The following PLSCR2 variants were observed in gnomAD, a reference collection of about 807,000 sequenced individuals.
PLSCR2 encodes PL scramblase 2.
Under a neutral mutation model 25.3 loss-of-function variants are expected in PLSCR2, and 18 were observed. The ratio of observed to expected loss-of-function variants is 0.71; its 90% CI spans 0.49 to 1.06. The LOEUF is 1.06. Among genes scored for constraint, PLSCR2 ranks in the 50% least tolerant of loss-of-function variants. The pLI, the probability that PLSCR2 is intolerant of heterozygous loss-of-function variation, is 0.00. For synonymous variants in PLSCR2, 88 were observed against 87.3 expected, an observed-to-expected ratio of 1.01 and a Z score of -0.04; for missense variants, 243 against 269.5, an observed-to-expected ratio of 0.90 and a Z score of 0.69.
intron 1 of PLSCR2, among the ~76,000 whole-genome samples, chr3:146,479,682 CAGAA>C (rs2043060781): frequency 6.6e-6 from 1 of 152,130 alleles, no homozygotes; most frequent in Non-Finnish European, 1.5e-5. Flanking sequence ...ATCAATGAGA[CAGAA>C]TGTTAGCAAG....
chr3:146,489,709 G>A (rs933996434), intron 1 of PLSCR2, among the ~76,000 whole-genome samples: 3 of 152,066 alleles, frequency 2.0e-5, no homozygotes, highest in East Asian at 1.9e-4. Context: ...TTGCCTTTTC[G>A]ATCTTCTAAT....
chr3:146,480,363 G>T (rs1197999182), intron 1 of PLSCR2, among the ~76,000 whole-genome samples: 2 of 152,040 alleles, frequency 1.3e-5, no homozygotes, highest in African/African-American at 4.8e-5. Flanking sequence ...GAAGAAAAGA[G>T]AGAAGAATCA....
chr3:146,408,630 G>A (rs2038736032), intron 2 of PLSCR2, among the ~76,000 whole-genome samples: 1 of 152,094 alleles, frequency 6.6e-6, no homozygotes, highest in South Asian at 2.1e-4. Context: ...TTTAATATCT[G>A]GGGCTTCCTG....
chr3:146,417,431 A>G (rs1041357875), intron 2 of PLSCR2, among the ~76,000 whole-genome samples: 5 of 152,172 alleles, frequency 3.3e-5, no homozygotes, highest in Admixed American at 2.0e-4. Flanking sequence ...GTTTACTGCC[A>G]AAAACAAGAG....
chr3:146,483,493 A>ATTAAGTT (rs1560055103), intron 1 of PLSCR2, among the ~76,000 whole-genome samples: 9 of 118,816 alleles, frequency 7.6e-5, no homozygotes, highest in African/African-American at 2.9e-4. Flanking sequence ...ATATATATAT[A>ATTAAGTT]TATATATATA....
At chr3:146,419,636 G>A (rs1386315245) in intron 2 of PLSCR2, among the ~76,000 whole-genome samples, 4 of 151,954 alleles carry the variant, frequency 2.6e-5, no homozygotes, top group South Asian at 4.1e-4. Flanking sequence ...GGGGCTCTAA[G>A]GAAACAAAAA....
chr3:146,443,577 T>G (rs2040375608), intron 6 of PLSCR2, among the ~76,000 whole-genome samples: 1 of 152,042 alleles, frequency 6.6e-6, no homozygotes, highest in Non-Finnish European at 1.5e-5. Context: ...TTAACGATCC[T>G]TTGAATTTCT....
chr3:146,408,095 T>C (rs553828769), intron 2 of PLSCR2, among the ~76,000 whole-genome samples: 14 of 152,266 alleles, frequency 9.2e-5, no homozygotes, highest in African/African-American at 2.9e-4. Context: ...CTCTACAGCA[T>C]GAGGAGCCGT....
chr3:146,424,932 T>G (rs953087555), intron 2 of PLSCR2, among the ~76,000 whole-genome samples: 1 of 152,136 alleles, frequency 6.6e-6, no homozygotes, highest in African/African-American at 2.4e-5. Context: ...AGTGCTTCCT[T>G]TAAGTGAACA....
intron 2 of PLSCR2, among the ~76,000 whole-genome samples, chr3:146,423,143 C>G (rs1336517780): frequency 6.6e-6 from 1 of 151,774 alleles, no homozygotes; most frequent in Non-Finnish European, 1.5e-5. Context: ...GCTAGACTCC[C>G]ACTACATTCT....
chr3:146,469,537 G>A (rs536790665), intron 1 of PLSCR2: 17 of 985,402 alleles, frequency 1.7e-5, no homozygotes, highest in Non-Finnish European at 1.9e-5. Context: ...GCGAGCCGAG[G>A]TCCTAGCGTG....
At chr3:146,454,910 T>C (rs1440818179) in intron 4 of PLSCR2, among the ~76,000 whole-genome samples, 1 of 152,168 alleles carries the variant, frequency 6.6e-6, no homozygotes, top group African/African-American at 2.4e-5. Context: ...TTTTCAATGG[T>C]GCAACTCTGC....
At chr3:146,425,343 C>A (rs989490031) in intron 2 of PLSCR2, among the ~76,000 whole-genome samples, 1 of 151,978 alleles carries the variant, frequency 6.6e-6, no homozygotes, top group African/African-American at 2.4e-5. Context: ...GAAGAAGATG[C>A]CCAAAAGAAA....
At chr3:146,461,260 T>A (rs563302450), upstream of PLSCR2, among the ~76,000 whole-genome samples, 76 of 152,168 alleles carry the variant, frequency 5.0e-4, no homozygotes, top group Non-Finnish European at 1.0e-3. Context: ...GAATAGGCAA[T>A]ACATTTAAGT....
At chr3:146,439,903 G>T (rs143845038), downstream of PLSCR2, among the ~76,000 whole-genome samples, 1 of 152,110 alleles carries the variant, frequency 6.6e-6, no homozygotes, top group African/African-American at 2.4e-5. Context: ...CGTCTTTGTG[G>T]TTTTATCTAC....
At chr3:146,467,828 G>A (rs934485359) in intron 1 of PLSCR2, among the ~76,000 whole-genome samples, 1 of 152,116 alleles carries the variant, frequency 6.6e-6, no homozygotes, top group Admixed American at 6.5e-5. Flanking sequence ...GCGTGGTAGG[G>A]CATTATAGAC....
rs2038196267 is a variant in PLSCR2, at chr3:146,394,213, T to C, written c.*145+1547A>G. On this transcript the variant is annotated intron_variant and NMD_transcript_variant, in intron 3 of 3. Coordinates refer to the PLSCR2 transcript ENST00000463633. ...TTTTGGTCATTAATTTAGATTTGTC[T>C]TTTTAAAAGAGACTACAGATACTTT... is the stretch of plus-strand genomic sequence containing the variant. 2.6e-5 allele frequency among the ~76,000 whole-genome samples: 4 copies of C among 152,184 alleles called. No homozygotes were observed. The South Asian group carries it at 8.3e-4, about 31-fold the overall frequency.
Position 146,469,784 on chromosome 3 carries a change from C to G in PLSCR2, c.-292-9500G>C, listed in dbSNP as rs990098108. On this transcript the variant is annotated intron_variant, in intron 1 of 8. Coordinates refer to the PLSCR2 transcript ENST00000336685. ...GCTGGGGGCGCGACTGCACCCACCCCCCCACGCCGTGTGCGACGCGCAGCT... is the reference window on the plus strand; with the variant it reads ...GCTGGGGGCGCGACTGCACCCACCCGCCCACGCCGTGTGCGACGCGCAGCT... 7.8e-5 allele frequency among the ~76,000 whole-genome samples: 9 copies of G among 115,278 alleles called. No homozygotes were observed. In the South Asian group the frequency reaches 9.7e-4, roughly 12 times the overall value. 75.6% of individuals were successfully genotyped at this position (115,278 alleles called of 152,430 possible).
downstream of PLSCR2, among the ~76,000 whole-genome samples, chr3:146,430,469 T>G (rs2039507115): frequency 6.6e-6 from 1 of 152,186 alleles, no homozygotes; most frequent in South Asian, 2.1e-4. Flanking sequence ...CTTCTGGCAC[T>G]TCACAGCATC....
Sources: gnomAD v4.1 joint callset for allele counts (sites outside exome capture counted in the v4.1 genomes callset) on GRCh38, gnomAD v4.1.1 for gene constraint, MANE v1.5 for transcripts, NCBI Gene and HGNC (gene_info 2026-07-23, HGNC 2026-07-21) for gene names.